The following TRABD2B variants were observed in gnomAD, a reference collection of about 807,000 sequenced individuals.
The protein encoded by TRABD2B is metalloprotease TIKI2.
A neutral mutation model predicts 40.1 loss-of-function variants in TRABD2B; 14 were observed. That is an observed-to-expected ratio of 0.35 (90% CI 0.23 to 0.55). The LOEUF (loss-of-function observed/expected upper bound fraction) is 0.55. TRABD2B is among the 20% of genes least tolerant of loss of function. The pLI is 0.90. For synonymous variants in TRABD2B, 263 were observed against 277.0 expected (o/e 0.95, Z 0.50); for missense variants, 541 against 648.6 (o/e 0.83, Z 1.80).
At chr1:47,946,935 G>GT (rs34820685) in intron 2 of TRABD2B, among the ~76,000 whole-genome samples, 83 of 148,578 alleles carry the variant, frequency 5.6e-4, no homozygotes, top group African/African-American at 8.6e-4. Context: ...GTAAGACTAG[G>GT]TTTTTTTTTT....
At chr1:47,823,870 T>G (rs556720683) in intron 2 of TRABD2B, among the ~76,000 whole-genome samples, 26 of 152,262 alleles carry the variant, frequency 1.7e-4, no homozygotes, top group Admixed American at 3.9e-4. Flanking sequence ...GGGGTGAGAT[T>G]TGAGGGGCTC....
rs72690389 is a variant in TRABD2B, at chr1:47,813,084, T to C, written c.667-11465A>G. 6.6e-6 allele frequency among the ~76,000 whole-genome samples: 1 copy of C among 152,354 alleles called. No individual in the cohort carries two copies. The highest frequency in any genetic ancestry group is 1.5e-5 in the Non-Finnish European group (1 of 68,030). The stretch of plus-strand genomic sequence containing the variant: ...GCTGCTTCCATTGGTTCGAGGCATG[T>C]CATTTTTATTTTCCCTGCTGTCTCA... On this transcript the variant is annotated intron_variant, in intron 2 of 6. Coordinates refer to ENST00000606738, the MANE Select transcript of TRABD2B (RefSeq NM_001194986.2). This position sits in a 1 kb window ranked among gnomAD's most constrained non-coding sequence, Gnocchi z 4.3.
intron 4 of TRABD2B, among the ~76,000 whole-genome samples, chr1:47,791,582 C>A (rs112158536): frequency 1.3e-5 from 2 of 152,136 alleles, no homozygotes; most frequent in Non-Finnish European, 2.9e-5. Context: ...CCCCACTGCC[C>A]GGCAGTCCGG....
intron 2 of TRABD2B, among the ~76,000 whole-genome samples, chr1:47,872,717 T>A (rs904704578): frequency 6.6e-6 from 1 of 152,096 alleles, no homozygotes; most frequent in Non-Finnish European, 1.5e-5. Context: ...TTACCTTATC[T>A]TGGGGAGAAT....
chr1:47,819,858 AC>A (rs1227241884), intron 2 of TRABD2B: 1 of 152,038 alleles, frequency 6.6e-6, no homozygotes, highest in Non-Finnish European at 1.5e-5. Context: ...TAGGACGCAG[AC>A]CAGAGACACT....
intron 2 of TRABD2B, among the ~76,000 whole-genome samples, chr1:47,981,114 A>C (rs1645834892): frequency 6.6e-6 from 1 of 151,976 alleles, no homozygotes; most frequent in Non-Finnish European, 1.5e-5. Context: ...GTTCAGTTCA[A>C]GCAATTCTCG....
chr1:47,992,337 C>T (rs1646023756), intron 2 of TRABD2B, among the ~76,000 whole-genome samples: 1 of 152,202 alleles, frequency 6.6e-6, no homozygotes, highest in South Asian at 2.1e-4. Context: ...AATGTTTTCA[C>T]CCTACCAAAG....
chr1:47,794,636 G>C lies in TRABD2B; in HGVS notation c.938C>G (p.Ala313Gly). 1.3e-6 allele frequency: 2 copies of C among 1,536,216 alleles called. No individual in the cohort carries two copies. Among genetic ancestry groups the C allele is most frequent in the South Asian group, 1.2e-5 (1 of 83,974 alleles). ...CTTGTCCTCGTTCTCCCGTAGAAGCGCCATGACCCTCTTCCCCATGCGCTC... is the reference window on the plus strand; with the variant it reads ...CTTGTCCTCGTTCTCCCGTAGAAGCCCCATGACCCTCTTCCCCATGCGCTC... ...RNERMGKRVMALLRENEDKIC... is the reference protein window; with the variant it reads ...RNERMGKRVMGLLRENEDKIC... Residue 313 changes from alanine to glycine, a missense_variant, in exon 4 of 7, where the codon GCG (alanine) becomes GGG (glycine). Ala to Gly is a moderately conservative substitution (Grantham distance 60, BLOSUM62 0). This residue lies in a region of TRABD2B where 369 missense variants were observed against 492.8 expected (regional missense o/e 0.75). Transcript: ENST00000606738.
intron 2 of TRABD2B, among the ~76,000 whole-genome samples, chr1:47,885,894 A>G (rs1412776122): frequency 6.6e-6 from 1 of 152,192 alleles, no homozygotes; most frequent in Non-Finnish European, 1.5e-5. Context: ...CTCCGTTACC[A>G]AATGCTGGTT....
Position 47,765,994 on chromosome 1 carries a change from C to G in TRABD2B, c.1462G>C (p.Ala488Pro), listed in dbSNP as rs936516501. 2.9e-6 allele frequency: 2 copies of G among 698,278 alleles called. No individual in the cohort carries two copies. The highest frequency in any genetic ancestry group is 5.2e-6 in the Non-Finnish European group (2 of 382,718). The allele number at this position is 698,278 out of a possible 1,614,324, so 43.3% of individuals were successfully genotyped here. A position where few individuals can be genotyped will look rare whatever the true frequency, so the allele number is the denominator to read the frequency against. Residue 488 changes from alanine to proline, a missense_variant, in exon 7 of 7, where the codon GCC (alanine) becomes CCC (proline). Physicochemically the swap from Ala to Pro is conservative, Grantham distance 27. Around this residue, in one of 2 missense-constraint regions of TRABD2B, gnomAD observed 172 missense variants for 155.8 expected, o/e 1.10. Coordinates refer to ENST00000606738, the MANE Select transcript of TRABD2B (RefSeq NM_001194986.2). ...CCCAGGGTGGGTGCCGAGCTGCTGG[C>G]GGGCCCTGGCGGGTCCTGCTGTTGT... ...QLQQQDPPGP[A>P]SSSAPTLGLL...
intron 3 of TRABD2B, among the ~76,000 whole-genome samples, chr1:47,795,099 G>T (rs945262882): frequency 6.6e-6 from 1 of 152,178 alleles, no homozygotes; most frequent in East Asian, 1.9e-4. Flanking sequence ...GAGCAAGGTG[G>T]ACTTAGGATA....
chr1:47,937,804 TCATACCAC>T (rs1645133590), intron 2 of TRABD2B, among the ~76,000 whole-genome samples: 1 of 152,112 alleles, frequency 6.6e-6, no homozygotes, highest in Non-Finnish European at 1.5e-5. Flanking sequence ...GTCCTTCAGC[TCATACCAC>T]CTGCAGCCAA....
At chr1:47,830,055 C>T (rs112996047) in intron 2 of TRABD2B, among the ~76,000 whole-genome samples, 2 of 152,064 alleles carry the variant, frequency 1.3e-5, no homozygotes, top group Non-Finnish European at 2.9e-5. Flanking sequence ...GAATTCCCAG[C>T]TAAGTATTAT....
At chr1:47,832,855 C>T (rs1645268939) in intron 2 of TRABD2B, among the ~76,000 whole-genome samples, 1 of 152,044 alleles carries the variant, frequency 6.6e-6, no homozygotes, top group Non-Finnish European at 1.5e-5. Flanking sequence ...TTGTGAGGAC[C>T]TGGGAAGGCA....
rs1325486656 is a variant in TRABD2B, at chr1:47,855,052, G to T, written c.667-53433C>A. Among the ~76,000 whole-genome samples the T allele has an allele frequency of 4.6e-5, 7 of 152,170 alleles. No homozygotes were observed. In the East Asian group the frequency reaches 1.3e-3, roughly 29 times the overall value. On this transcript the variant is annotated intron_variant, in intron 2 of 6. Coordinates refer to ENST00000606738, the MANE Select transcript of TRABD2B (RefSeq NM_001194986.2). ...AAATGGCTCAGAGTACCTTGGCACTGAGCTGAAACTTCAGAGGCCCTTAGA... is the reference window on the plus strand; with the variant it reads ...AAATGGCTCAGAGTACCTTGGCACTTAGCTGAAACTTCAGAGGCCCTTAGA...
At chr1:47,810,109 G>A (rs1304993832) in intron 2 of TRABD2B, among the ~76,000 whole-genome samples, 1 of 151,486 alleles carries the variant, frequency 6.6e-6, no homozygotes, top group African/African-American at 2.4e-5. Flanking sequence ...TAGTTGCTAT[G>A]GAGAAAATAA....
At chr1:47,822,453 G>A (rs925549116) in intron 2 of TRABD2B, among the ~76,000 whole-genome samples, 3 of 151,946 alleles carry the variant, frequency 2.0e-5, no homozygotes, top group Non-Finnish European at 4.4e-5. Flanking sequence ...CCTGTCACAG[G>A]GGTGATGAGG....
chr1:47,926,056 C>T (rs1340217), intron 2 of TRABD2B, among the ~76,000 whole-genome samples: 30,154 of 152,092 alleles, frequency 0.2, 3,450 homozygotes, highest in Admixed American at 0.26. Flanking sequence ...GTTTTTGATA[C>T]GTAGAAATCT....
rs930869988 is a variant in TRABD2B at position 47,908,755 on chromosome 1, C to G, written c.666+85279G>C. ...CACCAGTGTCCCATCTGGGAGGCAG[C>G]AGGCCATGGAGGGCTCTGGCTCCTC... is the stretch of plus-strand genomic sequence containing the variant. On this transcript the variant is annotated intron_variant, in intron 2 of 6. Coordinates refer to ENST00000606738, the MANE Select transcript of TRABD2B (RefSeq NM_001194986.2). Among the ~76,000 whole-genome samples, 6 of 152,388 alleles carry G rather than the reference C, an allele frequency of 3.9e-5. No homozygotes were observed. The South Asian group carries it at 1.0e-3, about 26-fold the overall frequency.
Sources: allele counts gnomAD v4.1 joint callset (sites outside exome capture counted in the v4.1 genomes callset), GRCh38; gene constraint gnomAD v4.1.1; regional missense constraint gnomAD v4.1.1; non-coding constraint Gnocchi (gnomAD v3.1); transcripts MANE v1.5; gene names NCBI Gene and HGNC (gene_info 2026-07-23, HGNC 2026-07-21).